PRH1: variants seen among roughly 807,000 people sequenced by gnomAD.
The protein encoded by PRH1 is proline rich protein HaeIII subfamily 1, also known as salivary acidic proline-rich phosphoprotein 1/2.
Under a neutral mutation model 7.9 loss-of-function variants are expected in PRH1, and 7 were observed. The observed-to-expected ratio is 0.89, with a 90% confidence interval of 0.50 to 1.67. The LOEUF (loss-of-function observed/expected upper bound fraction) is 1.67, where lower values mean the gene tolerates loss of function less well. Ranked by LOEUF, PRH1 falls within the 40% of genes most tolerant of loss-of-function variation. The pLI is 0.00. For synonymous variants in PRH1, 45 were observed against 80.8 expected, an observed-to-expected ratio of 0.56 and a Z score of 2.38; for missense variants, 109 against 223.6, an observed-to-expected ratio of 0.49 and a Z score of 3.27.
chr12:10,896,110 T>C (rs1249998823), intron 2 of PRH1, among the ~76,000 whole-genome samples: 1 of 152,198 alleles, frequency 6.6e-6, no homozygotes, highest in Non-Finnish European at 1.5e-5. Context: ...TCAAGGCAAA[T>C]ATTATATTCC....
chr12:11,170,624 G>A (rs549816194), intron 1 of PRH1, among the ~76,000 whole-genome samples: 1 of 152,346 alleles, frequency 6.6e-6, no homozygotes, highest in African/African-American at 2.4e-5. Flanking sequence ...AGGTTTCACA[G>A]ATGCATCTCC....
At position 11,036,993 on chromosome 12, in the gene PRH1, T is replaced by C. The variant is rs540633626; in HGVS notation, c.-126+10027A>G. Among the ~76,000 whole-genome samples the C allele has an allele frequency of 1.8e-3, 274 of 152,334 alleles. 2 individuals carry two copies. Among genetic ancestry groups the C allele is most frequent in the African/African-American group, 6.3e-3 (262 of 41,566 alleles). The stretch of plus-strand genomic sequence containing the variant: ...CTTCTATGATTCTCAGCATTAGGCC[T>C]AGACAAGTACCCTCACATGGTATTT... On this transcript the variant is annotated intron_variant, in intron 1 of 3. Transcript: ENST00000539853.
At chr12:11,103,192 T>C (rs139162024) in intron 1 of PRH1, among the ~76,000 whole-genome samples, 4,330 of 151,824 alleles carry the variant, frequency 0.029, 120 homozygotes, top group Admixed American at 0.076. Context: ...CATTACTGGA[T>C]ATATAAACGA....
chr12:11,034,833 G>C (rs528160285), intron 1 of PRH1: 1 of 152,942 alleles, frequency 6.5e-6, no homozygotes, highest in South Asian at 2.1e-4. Flanking sequence ...ACTGCAGTAA[G>C]CCATGATCCT....
chr12:11,022,614 T>C, intron 1 of PRH1: 1 of 1,408,834 alleles, frequency 7.1e-7, no homozygotes, highest in Non-Finnish European at 9.7e-7. Context: ...ACACTTGTTC[T>C]GAGTCCTTTA....
intron 1 of PRH1, among the ~76,000 whole-genome samples, chr12:10,991,671 G>A (rs2135994845): frequency 7.1e-6 from 1 of 141,512 alleles, no homozygotes; most frequent in Middle Eastern, 3.9e-3. Flanking sequence ...TAAGGAGACT[G>A]CATGAGATCA....
chr12:11,019,950 G>C (rs1941513683), intron 1 of PRH1, among the ~76,000 whole-genome samples: 1 of 152,284 alleles, frequency 6.6e-6, no homozygotes, highest in South Asian at 2.1e-4. Flanking sequence ...TCTTTAATAT[G>C]CTTTTCAAAA....
At chr12:11,035,868 T>C (rs1388445698) in intron 1 of PRH1, among the ~76,000 whole-genome samples, 3 of 152,148 alleles carry the variant, frequency 2.0e-5, no homozygotes, top group Admixed American at 6.5e-5. Context: ...CTCTATTCCA[T>C]GATTTAAATT....
upstream of PRH1, among the ~76,000 whole-genome samples, chr12:10,886,616 G>A (rs1949496112): frequency 6.6e-6 from 1 of 152,190 alleles, no homozygotes; most frequent in Admixed American, 6.5e-5. Context: ...GTACCTAGAG[G>A]TGGGTGGCAG....
chr12:10,931,113 C>T, intron 2 of PRH1: 1 of 1,574,958 alleles, frequency 6.3e-7, no homozygotes, highest in Non-Finnish European at 8.6e-7. Flanking sequence ...ATCAAAGGCT[C>T]CAACTGCTAC....
intron 1 of PRH1, among the ~76,000 whole-genome samples, chr12:10,996,233 G>A (rs901738608): frequency 1.3e-4 from 20 of 151,892 alleles, no homozygotes; most frequent in African/African-American, 4.3e-4. Context: ...GGAGGCTGAC[G>A]CATGGAAATC....
intron 1 of PRH1, among the ~76,000 whole-genome samples, chr12:11,035,631 T>C (rs181606138): frequency 0.013 from 2,035 of 152,314 alleles, 21 homozygotes; most frequent in Middle Eastern, 0.031. Flanking sequence ...TTTCTTTTTG[T>C]AATACTTTGG....
intron 1 of PRH1, among the ~76,000 whole-genome samples, chr12:11,026,282 C>A (rs1340887472): frequency 2.6e-5 from 4 of 152,198 alleles, no homozygotes; most frequent in Non-Finnish European, 4.4e-5. Flanking sequence ...CCCACCTTCG[C>A]CTCCCAAAGT....
chr12:10,954,314 G>A (rs1937842571), intron 2 of PRH1, among the ~76,000 whole-genome samples: 1 of 152,158 alleles, frequency 6.6e-6, no homozygotes, highest in Admixed American at 6.5e-5. Flanking sequence ...GGCACATAGA[G>A]GCAATTTGGA....
intron 1 of PRH1, among the ~76,000 whole-genome samples, chr12:11,038,609 T>C (rs1942557209): frequency 6.6e-6 from 1 of 152,268 alleles, no homozygotes; most frequent in Non-Finnish European, 1.5e-5. Context: ...TGTAAACATG[T>C]CAGTCTTGTT....
At chr12:11,126,005 A>G (rs1946113805) in intron 1 of PRH1, among the ~76,000 whole-genome samples, 1 of 152,190 alleles carries the variant, frequency 6.6e-6, no homozygotes, top group Non-Finnish European at 1.5e-5. Flanking sequence ...TTTTCAGCCT[A>G]TTTTATATTC....
chr12:11,133,574 TGGACCTTGGTGCTG>T, intron 1 of PRH1: 1 of 1,614,254 alleles, frequency 6.2e-7, no homozygotes, highest in Non-Finnish European at 8.5e-7. Flanking sequence ...AGCTTTTATG[TGGACCTTGGTGCTG>T]GGATCTTGAG....
chr12:11,005,645 A>G (rs1020725578), intron 1 of PRH1, among the ~76,000 whole-genome samples: 2 of 152,106 alleles, frequency 1.3e-5, no homozygotes, highest in Admixed American at 1.3e-4. Context: ...ACACATGCAT[A>G]CACGCCCCTC....
intron 2 of PRH1, 46 bp downstream of exon 2, chr12:10,883,015 A>G (rs905812426): frequency 1.3e-6 from 2 of 1,588,958 alleles, no homozygotes; most frequent in Non-Finnish European, 1.7e-6. Context: ...TCAATTTTTC[A>G]GGGAAAAATG....
Sources: allele counts gnomAD v4.1 joint callset (sites outside exome capture counted in the v4.1 genomes callset), GRCh38; gene constraint gnomAD v4.1.1; transcripts MANE v1.5; gene names NCBI Gene and HGNC (gene_info 2026-07-23, HGNC 2026-07-21).